The following ST6GALNAC3 variants were observed in gnomAD, a reference collection of about 807,000 sequenced individuals.
The protein encoded by ST6GALNAC3 is ST6 N-acetylgalactosaminide alpha-2,6-sialyltransferase 3, also known as alpha-N-acetylgalactosaminide alpha-2,6-sialyltransferase 3.
A neutral mutation model predicts 32.7 loss-of-function variants in ST6GALNAC3; 25 were observed. The ratio of observed to expected loss-of-function variants is 0.76; its 90% CI spans 0.56 to 1.07. ST6GALNAC3 has a LOEUF of 1.07. Among genes scored for constraint, ST6GALNAC3 ranks in the 50% least tolerant of loss-of-function variants. The pLI, the probability that ST6GALNAC3 is intolerant of heterozygous loss-of-function variation, is 0.00. For synonymous variants in ST6GALNAC3, 129 were observed against 133.1 expected (o/e 0.97, Z 0.21); for missense variants, 355 against 382.4 (o/e 0.93, Z 0.60).
chr1:76,557,675 T>C (rs763800984), intron 3 of ST6GALNAC3, among the ~76,000 whole-genome samples: 8 of 152,132 alleles, frequency 5.3e-5, no homozygotes, highest in Non-Finnish European at 7.4e-5. Flanking sequence ...AAGATTTATC[T>C]TAGGTTTCCA....
intron 1 of ST6GALNAC3, among the ~76,000 whole-genome samples, chr1:76,126,890 G>A (rs1649292063): frequency 6.6e-6 from 1 of 152,178 alleles, no homozygotes; most frequent in Non-Finnish European, 1.5e-5. Flanking sequence ...TCCCACCAGG[G>A]TCGTTGATAA....
At chr1:76,279,679 T>G (rs1015635609) in intron 1 of ST6GALNAC3, among the ~76,000 whole-genome samples, 1 of 152,236 alleles carries the variant, frequency 6.6e-6, no homozygotes, top group African/African-American at 2.4e-5. Context: ...GGAAGTGGCG[T>G]CCATGGTAGC....
chr1:76,304,179 C>T (rs1012461383), intron 1 of ST6GALNAC3, among the ~76,000 whole-genome samples: 1 of 151,962 alleles, frequency 6.6e-6, no homozygotes, highest in Admixed American at 6.6e-5. Flanking sequence ...TTCATTCTTT[C>T]ATTTCTTCCA....
chr1:76,233,798 G>T (rs536913), intron 1 of ST6GALNAC3, among the ~76,000 whole-genome samples: 48,476 of 151,972 alleles, frequency 0.32, 9,990 homozygotes, highest in African/African-American at 0.58. Flanking sequence ...TTACAGTAGT[G>T]GTGAAGTCTG....
intron 2 of ST6GALNAC3, among the ~76,000 whole-genome samples, chr1:76,318,219 A>G (rs1646903461): frequency 6.6e-6 from 1 of 152,148 alleles, no homozygotes; most frequent in South Asian, 2.1e-4. Flanking sequence ...TGTGATGACT[A>G]TTATAAAGGG....
At chr1:76,148,826 C>G (rs1404770438) in intron 1 of ST6GALNAC3, among the ~76,000 whole-genome samples, 1 of 152,170 alleles carries the variant, frequency 6.6e-6, no homozygotes, top group Non-Finnish European at 1.5e-5. Context: ...CCACCTGAAA[C>G]TTGTTCCATT....
At chr1:76,332,114 A>G (rs1647198465) in intron 2 of ST6GALNAC3, among the ~76,000 whole-genome samples, 1 of 152,142 alleles carries the variant, frequency 6.6e-6, no homozygotes, top group Non-Finnish European at 1.5e-5. Context: ...TGGGCAGGGT[A>G]TCTTCCATCA....
Position 76,134,571 on chromosome 1 carries a change from C to T in ST6GALNAC3, c.18+59687C>T, listed in dbSNP as rs928266557. 6.6e-5 allele frequency among the ~76,000 whole-genome samples: 10 copies of T among 152,170 alleles called. 1 individual carries two copies. Among genetic ancestry groups the T allele is most frequent in the African/African-American group, 1.7e-4 (7 of 41,442 alleles). ...ATTGGGCTTTTTCCTGCTCAGTTTT[C>T]AGATGTCCCTTTTCCCTCATCTTTT... On this transcript the variant is annotated intron_variant, in intron 1 of 4. Coordinates refer to ENST00000328299, the MANE Select transcript of ST6GALNAC3 (RefSeq NM_152996.4).
At chr1:76,308,241 T>A (rs1039959226) in intron 1 of ST6GALNAC3, among the ~76,000 whole-genome samples, 3 of 152,200 alleles carry the variant, frequency 2.0e-5, no homozygotes, top group Non-Finnish European at 4.4e-5. Flanking sequence ...CACTAGCTAA[T>A]GTTCACTGAG....
intron 3 of ST6GALNAC3, among the ~76,000 whole-genome samples, chr1:76,587,994 A>G (rs1385420051): frequency 2.6e-5 from 4 of 152,204 alleles, no homozygotes; most frequent in Non-Finnish European, 5.9e-5. Context: ...AATCCAAAGG[A>G]GAGGAAGGTG....
At chr1:76,186,496 C>A (rs565335713) in intron 1 of ST6GALNAC3, among the ~76,000 whole-genome samples, 42 of 152,104 alleles carry the variant, frequency 2.8e-4, no homozygotes, top group African/African-American at 1.0e-3. Context: ...CTTTGTTTTT[C>A]TGGATGAGGT....
chr1:76,349,811 T>C (rs1460989884), intron 2 of ST6GALNAC3, among the ~76,000 whole-genome samples: 2 of 152,198 alleles, frequency 1.3e-5, no homozygotes, highest in Admixed American at 1.3e-4. Flanking sequence ...GTTGTTTCTC[T>C]TTCTAGGTTT....
At chr1:76,269,533 A>G (rs1343386417) in intron 1 of ST6GALNAC3, among the ~76,000 whole-genome samples, 4 of 152,230 alleles carry the variant, frequency 2.6e-5, no homozygotes, top group Admixed American at 2.0e-4. Flanking sequence ...AAGTATGGGA[A>G]TATCCTTGGT....
chr1:76,350,208 A>G (rs1648856968), intron 2 of ST6GALNAC3, among the ~76,000 whole-genome samples: 1 of 152,114 alleles, frequency 6.6e-6, no homozygotes, highest in Non-Finnish European at 1.5e-5. Context: ...TTTATTTTTT[A>G]AAGCAACGGG....
At chr1:76,168,234 A>AT (rs936851625) in intron 1 of ST6GALNAC3, among the ~76,000 whole-genome samples, 15 of 151,930 alleles carry the variant, frequency 9.9e-5, no homozygotes, top group African/African-American at 2.2e-4. Flanking sequence ...GCCTTAATTA[A>AT]TTTTTTTACC....
intron 3 of ST6GALNAC3, among the ~76,000 whole-genome samples, chr1:76,497,292 G>T (rs974013831): frequency 6.6e-6 from 1 of 152,118 alleles, no homozygotes; most frequent in African/African-American, 2.4e-5. Flanking sequence ...TGATGTACCT[G>T]CACCTACCCC....
chr1:76,480,361 A>G (rs138760302), intron 3 of ST6GALNAC3, among the ~76,000 whole-genome samples: 11 of 152,320 alleles, frequency 7.2e-5, no homozygotes, highest in Non-Finnish European at 1.6e-4. Context: ...CTAGATCTTG[A>G]GATTGGACAT....
At chr1:76,616,572 G>T (rs1187185054) in intron 3 of ST6GALNAC3, among the ~76,000 whole-genome samples, 10 of 152,140 alleles carry the variant, frequency 6.6e-5, no homozygotes, top group Admixed American at 6.5e-4. Context: ...TTTGGCAAAG[G>T]TATTATTCAT....
chr1:76,283,218 ATTTG>A (rs1214539260), intron 1 of ST6GALNAC3, among the ~76,000 whole-genome samples: 1 of 152,018 alleles, frequency 6.6e-6, no homozygotes, highest in Non-Finnish European at 1.5e-5. Context: ...CTATATTATT[ATTTG>A]TTGATGTTAC....
Sources: allele counts gnomAD v4.1 joint callset (sites outside exome capture counted in the v4.1 genomes callset), GRCh38; gene constraint gnomAD v4.1.1; transcripts MANE v1.5; gene names NCBI Gene and HGNC (gene_info 2026-07-23, HGNC 2026-07-21).